Variants in DMRTA2 observed in about 807,000 individuals in gnomAD.
The protein encoded by DMRTA2 is DMRT like family A2.
DMRTA2 carries 10 observed loss-of-function variants against 29.7 expected under a neutral mutation model. The ratio of observed to expected loss-of-function variants is 0.34; its 90% CI spans 0.21 to 0.57. The LOEUF is 0.57. Ranked by LOEUF, DMRTA2 falls within the 20% of genes least tolerant of loss-of-function variation. The pLI is 0.87. For missense variants in DMRTA2, 783 were observed against 812.1 expected, an observed-to-expected ratio of 0.96 and a Z score of 0.44; for synonymous variants, 469 against 402.6, an observed-to-expected ratio of 1.16 and a Z score of -1.97.
At position 50,420,991 on chromosome 1, in the gene DMRTA2, G is replaced by T. The variant is rs776248595; in HGVS notation, c.546C>A (p.Gly182=). The change falls in exon 2 of 3, where the codon GGC becomes GGA. Residue 182 remains glycine (G), a synonymous_variant. Coordinates refer to ENST00000404795, the MANE Select transcript of DMRTA2 (RefSeq NM_032110.3). This position sits in a 1 kb window ranked among gnomAD's most constrained non-coding sequence, Gnocchi z 4.1. Reference sequence around the variant, plus strand: ...CCGCGCTCTCACCTGAGCCCCCTGCGCCAGCTGCTCCGCCTCCGGTCCCCG... The same window carrying T: ...CCGCGCTCTCACCTGAGCCCCCTGCTCCAGCTGCTCCGCCTCCGGTCCCCG... ...APAGTGGGAA[G]AGGSEAKLQK... 6.0e-6 allele frequency: 9 copies of T among 1,499,630 alleles called. No individual in the cohort carries two copies. Among genetic ancestry groups the T allele is most frequent in the Admixed American group, 4.2e-5 (2 of 47,386 alleles). 92.9% of individuals were successfully genotyped at this position (1,499,630 alleles called of 1,614,324 possible). A position where few individuals can be genotyped will look rare whatever the true frequency, so the allele number is the denominator to read the frequency against.
Position 50,418,618 on chromosome 1 carries a change from G to T in DMRTA2, c.*47C>A, listed in dbSNP as rs761037636. 3.0e-6 allele frequency: 4 copies of T among 1,353,842 alleles called. No homozygotes were observed. The East Asian group carries it at 1.2e-4, about 41-fold the overall frequency. 83.9% of individuals were successfully genotyped at this position (1,353,842 alleles called of 1,614,324 possible). On this transcript the variant is annotated 3_prime_UTR_variant, in exon 3 of 3. Coordinates refer to ENST00000404795, the MANE Select transcript of DMRTA2 (RefSeq NM_032110.3). ...AGGGGTCGATGGCCCGCGGGAACAG[G>T]GCTGGGGTTCCTGTTTGGGGACCGG...
rs1331960331 is a variant in DMRTA2 at position 50,419,853 on chromosome 1, C to T, written c.560-119G>A. ...AGCCCCACAGCCCTTATTCACTAGG[C>T]TCCAGTGCCCCTCTTTCTTTTTGCT... On this transcript the variant is annotated intron_variant, in intron 2 of 2. Transcript: ENST00000404795. This position sits in a 1 kb window ranked among gnomAD's most constrained non-coding sequence, Gnocchi z 6.1. 6.1e-6 allele frequency: 5 copies of T among 813,992 alleles called. No homozygotes were observed. Among genetic ancestry groups the T allele is most frequent in the Non-Finnish European group, 9.0e-6 (5 of 556,162 alleles). 50.4% of individuals were successfully genotyped at this position (813,992 alleles called of 1,614,324 possible). A position where few individuals can be genotyped will look rare whatever the true frequency, so the allele number is the denominator to read the frequency against.
rs1646006054 is a variant in DMRTA2 at position 50,418,592 on chromosome 1, GA to G, written c.*72del. On this transcript the variant is annotated 3_prime_UTR_variant, in exon 3 of 3. Coordinates refer to ENST00000404795, the MANE Select transcript of DMRTA2 (RefSeq NM_032110.3). ...GGGCGCAGAGAGAGCGCTGGGCGAA[GA>G]GGGGTCGATGGCCCGCGGGAACAGG... 1 of 1,241,438 alleles carries G rather than the reference GA, an allele frequency of 8.1e-7. No homozygotes were observed. Among genetic ancestry groups the G allele is most frequent in the African/African-American group, 1.6e-5 (1 of 63,128 alleles). The allele number at this position is 1,241,438 out of a possible 1,614,324, so 76.9% of individuals were successfully genotyped here.
chr1:50,419,115 G>A lies in DMRTA2; in HGVS notation c.1179C>T (p.Ala393=), dbSNP rs780956345. 1,405 of 1,158,994 alleles carry A rather than the reference G, an allele frequency of 1.2e-3. 77 individuals carry two copies. The East Asian group carries it at 0.047, about 39-fold the overall frequency. The allele number at this position is 1,158,994 out of a possible 1,614,324, so 71.8% of individuals were successfully genotyped here. A position where few individuals can be genotyped will look rare whatever the true frequency, so the allele number is the denominator to read the frequency against. The change falls in exon 3 of 3, where the codon GCC becomes GCT. Residue 393 remains alanine (A), a synonymous_variant. Coordinates refer to ENST00000404795, the MANE Select transcript of DMRTA2 (RefSeq NM_032110.3). The surrounding 1 kb of genome is among the most constrained non-coding windows in gnomAD (Gnocchi z 6.1). Reference sequence around the variant, plus strand: ...GCCCAGGCCCCCCGGCGGCGGCGGCGGCGGCGGCGGCGGCGTCGACGCGGC... The same window carrying A: ...GCCCAGGCCCCCCGGCGGCGGCGGCAGCGGCGGCGGCGGCGTCGACGCGGC... ...WPSRVDAAAA[A]AAAAGGPGLP...
Position 50,419,745 on chromosome 1 carries a change from A to G in DMRTA2, c.560-11T>C. 6.9e-7 allele frequency: 1 copy of G among 1,458,976 alleles called. No homozygotes were observed. Among genetic ancestry groups the G allele is most frequent in the Non-Finnish European group, 9.0e-7 (1 of 1,107,590 alleles). The allele number at this position is 1,458,976 out of a possible 1,614,324, so 90.4% of individuals were successfully genotyped here. ...TCTGCAACTTGGCCTCTGGGAGGGG[A>G]GAAAACGTGTCGTGAGGAGCGGTTA... On this transcript the variant is annotated splice_polypyrimidine_tract_variant and intron_variant, in intron 2 of 2. Coordinates refer to ENST00000404795, the MANE Select transcript of DMRTA2 (RefSeq NM_032110.3). The surrounding 1 kb of genome is among the most constrained non-coding windows in gnomAD (Gnocchi z 6.1).
rs1279598250 is a variant in DMRTA2 at position 50,423,428 on chromosome 1, C to T, written c.-321G>A. The T allele has an allele frequency of 6.6e-6, 1 of 152,256 alleles. No individual in the cohort carries two copies. The highest frequency in any genetic ancestry group is 1.5e-5 in the Non-Finnish European group (1 of 68,048). The allele number at this position is 152,256 out of a possible 1,614,324, so 9.4% of individuals were successfully genotyped here. A position where few individuals can be genotyped will look rare whatever the true frequency, so the allele number is the denominator to read the frequency against. ...GCAGCCGGGGCCCAGTTGCCCGGCG[C>T]TGCCAGACTCTCAATGAGCCGCTCG... On this transcript the variant is annotated 5_prime_UTR_variant, in exon 1 of 3. Coordinates refer to ENST00000404795, the MANE Select transcript of DMRTA2 (RefSeq NM_032110.3).
chr1:50,423,181 T>C lies in DMRTA2; in HGVS notation c.-74A>G. On this transcript the variant is annotated 5_prime_UTR_variant, in exon 1 of 3. Transcript: ENST00000404795. Reference sequence around the variant, plus strand: ...CGCCTCCCGGCTCCACTGGCGACGCTGGAGCTCTTGGCCGCTTCCCTTTGC... The same window carrying C: ...CGCCTCCCGGCTCCACTGGCGACGCCGGAGCTCTTGGCCGCTTCCCTTTGC... The C allele has an allele frequency of 6.5e-6, 1 of 152,990 alleles. No individual in the cohort carries two copies. The highest frequency in any genetic ancestry group is 1.5e-5 in the Non-Finnish European group (1 of 68,582). 9.5% of individuals were successfully genotyped at this position (152,990 alleles called of 1,614,324 possible). A position where few individuals can be genotyped will look rare whatever the true frequency, so the allele number is the denominator to read the frequency against.
chr1:50,422,624 C>T lies in DMRTA2; in HGVS notation c.-9+492G>A, dbSNP rs1240393321. On this transcript the variant is annotated intron_variant, in intron 1 of 2. Transcript: ENST00000404795. This position sits in a 1 kb window ranked among gnomAD's most constrained non-coding sequence, Gnocchi z 5.7. ...TAGGCATTTCGGGAGGGGGATCTTT[C>T]TCGAAGACCACCTCACACTGCCCTC... Among the ~76,000 whole-genome samples, 1 of 152,194 alleles carries T rather than the reference C, an allele frequency of 6.6e-6. No homozygotes were observed. The highest frequency in any genetic ancestry group is 2.4e-5 in the African/African-American group (1 of 41,450).
chr1:50,421,317 G>A lies in DMRTA2; in HGVS notation c.220C>T (p.Arg74Cys). The A allele has an allele frequency of 1.3e-6, 2 of 1,530,276 alleles. No individual in the cohort carries two copies. Among genetic ancestry groups the A allele is most frequent in the Non-Finnish European group, 1.8e-6 (2 of 1,138,348 alleles). 94.8% of individuals were successfully genotyped at this position (1,530,276 alleles called of 1,614,324 possible). Reference protein sequence around the residue: ...YPRTPKCARCRNHGVVSALKG... With the variant: ...YPRTPKCARCCNHGVVSALKG... ...AGGGCCGACACCACGCCATGGTTGC[G>A]ACAGCGCGCGCACTTGGGGGTCCGC... Residue 74 changes from arginine to cysteine, a missense_variant, in exon 2 of 3, where the codon CGC (arginine) becomes TGC (cysteine). Coordinates refer to ENST00000404795, the MANE Select transcript of DMRTA2 (RefSeq NM_032110.3). The surrounding 1 kb of genome is among the most constrained non-coding windows in gnomAD (Gnocchi z 8.7).
Position 50,422,578 on chromosome 1 carries a change from A to T in DMRTA2, c.-9+538T>A, listed in dbSNP as rs1646046944. 6.6e-6 allele frequency among the ~76,000 whole-genome samples: 1 copy of T among 152,094 alleles called. No individual in the cohort carries two copies. The stretch of plus-strand genomic sequence containing the variant: ...CAGTCTGGAGTAGTAGTCGGGGCGG[A>T]AGACGTATCCTGCGAAAAGTTAGGC... On this transcript the variant is annotated intron_variant, in intron 1 of 2. Coordinates refer to ENST00000404795, the MANE Select transcript of DMRTA2 (RefSeq NM_032110.3). The surrounding 1 kb of genome is among the most constrained non-coding windows in gnomAD (Gnocchi z 5.7).
chr1:50,419,352 C>T lies in DMRTA2; in HGVS notation c.942G>A (p.Arg314=). The stretch of plus-strand genomic sequence containing the variant: ...CGCGTGTCAAGATATCCAGCGGCGT[C>T]CGCTGCCGTGGACCCGAGCCTCCGC... The part of the protein sequence containing the change: ...GLGGGSGPRQ[R]TPLDILTRVF... Residue 314 remains arginine (R), a synonymous_variant, in exon 3 of 3, where the codon CGG becomes CGA. Coordinates refer to ENST00000404795, the MANE Select transcript of DMRTA2 (RefSeq NM_032110.3). The surrounding 1 kb of genome is among the most constrained non-coding windows in gnomAD (Gnocchi z 6.1). 6.3e-7 allele frequency: 1 copy of T among 1,596,940 alleles called. No homozygotes were observed. The highest frequency in any genetic ancestry group is 8.5e-7 in the Non-Finnish European group (1 of 1,179,094).
chr1:50,421,515 G>T lies in DMRTA2; in HGVS notation c.22C>A (p.Pro8Thr). 1.6e-6 allele frequency: 2 copies of T among 1,264,738 alleles called. No homozygotes were observed. The highest frequency in any genetic ancestry group is 9.9e-7 in the Non-Finnish European group (1 of 1,010,902). The allele number at this position is 1,264,738 out of a possible 1,614,324, so 78.3% of individuals were successfully genotyped here. ...GCCGTCGCCGCGCCGGGCACGCTGG[G>T]CAGCTCCGAGCGCAGCTCCATGACA... MELRSELPSVPGAATAAA... is the reference protein window; with the variant it reads MELRSELTSVPGAATAAA... Residue 8 changes from proline to threonine, a missense_variant, in exon 2 of 3, where the codon CCC (proline) becomes ACC (threonine). Physicochemically the swap from Pro to Thr is conservative, Grantham distance 38 (BLOSUM62 -1). Coordinates refer to ENST00000404795, the MANE Select transcript of DMRTA2 (RefSeq NM_032110.3). The surrounding 1 kb of genome is among the most constrained non-coding windows in gnomAD (Gnocchi z 8.7).
rs1048539973 is a variant in DMRTA2 at position 50,421,509 on chromosome 1, C to G, written c.28G>C (p.Val10Leu). ...GCCGCCGCCGTCGCCGCGCCGGGCA[C>G]GCTGGGCAGCTCCGAGCGCAGCTCC... MELRSELPS[V>L]PGAATAAAAT... Residue 10 changes from valine (V) to leucine (L), a missense_variant, in exon 2 of 3, where the codon GTG becomes CTG. Transcript: ENST00000404795. The surrounding 1 kb of genome is among the most constrained non-coding windows in gnomAD (Gnocchi z 8.7). The G allele has an allele frequency of 5.3e-5, 68 of 1,271,538 alleles. No homozygotes were observed. In the East Asian group the frequency reaches 1.9e-3, roughly 36 times the overall value. The allele number at this position is 1,271,538 out of a possible 1,614,324, so 78.8% of individuals were successfully genotyped here.
chr1:50,419,117 C>A lies in DMRTA2; in HGVS notation c.1177G>T (p.Ala393Ser). Residue 393 changes from alanine (A) to serine (S), a missense_variant, in exon 3 of 3, where the codon GCC (alanine) becomes TCC (serine). Coordinates refer to ENST00000404795, the MANE Select transcript of DMRTA2 (RefSeq NM_032110.3). The surrounding 1 kb of genome is among the most constrained non-coding windows in gnomAD (Gnocchi z 6.1). ...WPSRVDAAAA[A>S]AAAAGGPGLP... ...CCAGGCCCCCCGGCGGCGGCGGCGG[C>A]GGCGGCGGCGGCGTCGACGCGGCTG... 1 of 1,190,256 alleles carries A rather than the reference C, an allele frequency of 8.4e-7. No individual in the cohort carries two copies. The highest frequency in any genetic ancestry group is 1.0e-6 in the Non-Finnish European group (1 of 965,962). The allele number at this position is 1,190,256 out of a possible 1,614,324, so 73.7% of individuals were successfully genotyped here.
In DMRTA2 at chr1:50,422,590, G is replaced by T. The variant is rs1404005579; in HGVS notation, c.-9+526C>A. Among the ~76,000 whole-genome samples, 1 of 152,162 alleles carries T rather than the reference G, an allele frequency of 6.6e-6. No homozygotes were observed. Reference sequence around the variant, plus strand: ...GTAGTCGGGGCGGAAGACGTATCCTGCGAAAAGTTAGGCATTTCGGGAGGG... The same window carrying T: ...GTAGTCGGGGCGGAAGACGTATCCTTCGAAAAGTTAGGCATTTCGGGAGGG... On this transcript the variant is annotated intron_variant, in intron 1 of 2. Coordinates refer to ENST00000404795, the MANE Select transcript of DMRTA2 (RefSeq NM_032110.3). This position sits in a 1 kb window ranked among gnomAD's most constrained non-coding sequence, Gnocchi z 5.7.
chr1:50,421,570 G>A lies in DMRTA2; in HGVS notation c.-8-26C>T, dbSNP rs1040962331. 5.8e-5 allele frequency: 72 copies of A among 1,239,448 alleles called. No individual in the cohort carries two copies. The highest frequency in any genetic ancestry group is 7.0e-5 in the Non-Finnish European group (70 of 994,396). 76.8% of individuals were successfully genotyped at this position (1,239,448 alleles called of 1,614,324 possible). The stretch of plus-strand genomic sequence containing the variant: ...CTGACGGGAAAGAAGGTGGGAGAGG[G>A]GAGAGACCTGGTGAGGAGCACACCG... On this transcript the variant is annotated intron_variant, in intron 1 of 2. Transcript: ENST00000404795. This position sits in a 1 kb window ranked among gnomAD's most constrained non-coding sequence, Gnocchi z 8.7.
Position 50,419,865 on chromosome 1 carries a change from T to A in DMRTA2, c.560-131A>T. 1 of 754,316 alleles carries A rather than the reference T, an allele frequency of 1.3e-6. No individual in the cohort carries two copies. The highest frequency in any genetic ancestry group is 2.0e-6 in the Non-Finnish European group (1 of 505,186). 46.7% of individuals were successfully genotyped at this position (754,316 alleles called of 1,614,324 possible). On this transcript the variant is annotated intron_variant, in intron 2 of 2. Coordinates refer to ENST00000404795, the MANE Select transcript of DMRTA2 (RefSeq NM_032110.3). This position sits in a 1 kb window ranked among gnomAD's most constrained non-coding sequence, Gnocchi z 6.1. ...CTTATTCACTAGGCTCCAGTGCCCC[T>A]CTTTCTTTTTGCTCTAGCATTCCTT...
At position 50,418,411 on chromosome 1, in the gene DMRTA2, G is replaced by A; in HGVS notation, c.*254C>T. 2.8e-6 allele frequency: 1 copy of A among 360,854 alleles called. No individual in the cohort carries two copies. The highest frequency in any genetic ancestry group is 2.1e-5 in the African/African-American group (1 of 48,000). 22.4% of individuals were successfully genotyped at this position (360,854 alleles called of 1,614,324 possible). A position where few individuals can be genotyped will look rare whatever the true frequency, so the allele number is the denominator to read the frequency against. On this transcript the variant is annotated 3_prime_UTR_variant, in exon 3 of 3. Transcript: ENST00000404795. ...GAAAGGGGGCCGGGTGAGGCTGGAA[G>A]AGGGATCCGGAGGTAGGAGATGAGG...
Position 50,421,477 on chromosome 1 carries a change from T to A in DMRTA2, c.60A>T (p.Thr20=). The A allele has an allele frequency of 1.6e-6, 2 of 1,276,986 alleles. No homozygotes were observed. Among genetic ancestry groups the A allele is most frequent in the Non-Finnish European group, 2.0e-6 (2 of 1,017,996 alleles). 79.1% of individuals were successfully genotyped at this position (1,276,986 alleles called of 1,614,324 possible). The change falls in exon 2 of 3, where the codon ACA becomes ACT. Residue 20 remains threonine, a synonymous_variant. Coordinates refer to ENST00000404795, the MANE Select transcript of DMRTA2 (RefSeq NM_032110.3). This position sits in a 1 kb window ranked among gnomAD's most constrained non-coding sequence, Gnocchi z 8.7. ...VPGAATAAAA[T]ATGPPVASVA... is the part of the protein sequence containing the mutation. Reference sequence around the variant, plus strand: ...CCGACGCCACAGGCGGCCCCGTCGCTGTTGCCGCCGCCGCCGTCGCCGCGC... The same window carrying A: ...CCGACGCCACAGGCGGCCCCGTCGCAGTTGCCGCCGCCGCCGTCGCCGCGC...
Sources: gnomAD v4.1 joint callset for allele counts (sites outside exome capture counted in the v4.1 genomes callset) on GRCh38, gnomAD v4.1.1 for gene constraint, Gnocchi (gnomAD v3.1) non-coding constraint, MANE v1.5 for transcripts, NCBI Gene and HGNC (gene_info 2026-07-23, HGNC 2026-07-21) for gene names.